SNX29: variants seen among roughly 807,000 people sequenced by gnomAD.
The protein encoded by SNX29 is sorting nexin-29.
SNX29 carries 78 observed loss-of-function variants against 102.1 expected under a neutral mutation model. The ratio of observed to expected loss-of-function variants is 0.76; its 90% CI spans 0.64 to 0.92. The LOEUF (loss-of-function observed/expected upper bound fraction) is 0.92, where lower values mean the gene tolerates loss of function less well. Among genes scored for constraint, SNX29 ranks in the 40% least tolerant of loss-of-function variants. The probability of loss-of-function intolerance (pLI) is 0.00; values close to 1 mark genes in which losing one functional copy is unlikely to be tolerated. For missense variants in SNX29, 1,280 were observed against 1,061.7 expected (o/e 1.21, Z -2.86); for synonymous variants, 580 against 414.5 (o/e 1.40, Z -4.85).
intron 14 of SNX29, among the ~76,000 whole-genome samples, chr16:12,265,270 G>C (rs75682122): frequency 2.9e-4 from 44 of 152,270 alleles, no homozygotes; most frequent in African/African-American, 5.3e-4. Context: ...TTTCACTTGG[G>C]GGGGAGAAAC....
At chr16:12,198,482 AACCC>A (rs2076833941) in intron 13 of SNX29, among the ~76,000 whole-genome samples, 1 of 152,144 alleles carries the variant, frequency 6.6e-6, no homozygotes, top group South Asian at 2.1e-4. Flanking sequence ...TCACAGAAAA[AACCC>A]AGTCTTCAGC....
At chr16:12,023,076 T>C (rs1235194699) in intron 3 of SNX29, among the ~76,000 whole-genome samples, 2 of 151,922 alleles carry the variant, frequency 1.3e-5, no homozygotes, top group Admixed American at 1.3e-4. Flanking sequence ...TTTCTGTTTT[T>C]AGTAGAGTTG....
At position 12,301,159 on chromosome 16, in the gene SNX29, C is replaced by T. The variant is rs116071968; in HGVS notation, c.1782+23123C>T. Reference sequence around the variant, plus strand: ...CTAGTCACTCAATGAGTTACAGTCCCTTCTAAAATATCTCATAAAGCCAAC... The same window carrying T: ...CTAGTCACTCAATGAGTTACAGTCCTTTCTAAAATATCTCATAAAGCCAAC... On this transcript the variant is annotated intron_variant, in intron 15 of 20. Transcript: ENST00000566228. 6.2e-3 allele frequency among the ~76,000 whole-genome samples: 937 copies of T among 152,326 alleles called. 12 individuals are homozygous for T. The highest frequency in any genetic ancestry group is 0.021 in the African/African-American group (890 of 41,564).
chr16:12,204,368 A>C (rs2076993223), intron 14 of SNX29, among the ~76,000 whole-genome samples: 1 of 152,172 alleles, frequency 6.6e-6, no homozygotes, highest in African/African-American at 2.4e-5. Context: ...TCGTCCTTGT[A>C]AAGGGCGATT....
At chr16:12,520,315 A>T (rs367763085) in intron 19 of SNX29, among the ~76,000 whole-genome samples, 1 of 152,268 alleles carries the variant, frequency 6.6e-6, no homozygotes, top group East Asian at 1.9e-4. Context: ...AAAGAACTGA[A>T]CCCCGCTTTG....
In SNX29 at chr16:12,166,510, C is replaced by T. The variant is rs139541251; in HGVS notation, c.1596-33091C>T. On this transcript the variant is annotated intron_variant, in intron 13 of 20. Transcript: ENST00000566228. ...CAGGAAGGCGGGGGGCATAGGCAGCCGAGTCTTGTAGTGTGCAGGGGAGCG... is the reference window on the plus strand; with the variant it reads ...CAGGAAGGCGGGGGGCATAGGCAGCTGAGTCTTGTAGTGTGCAGGGGAGCG... Among the ~76,000 whole-genome samples, 359 of 152,254 alleles carry T rather than the reference C, an allele frequency of 2.4e-3. 1 individual carries two copies. Among genetic ancestry groups the T allele is most frequent in the Non-Finnish European group, 3.8e-3 (260 of 68,018 alleles).
intron 14 of SNX29, among the ~76,000 whole-genome samples, chr16:12,204,281 T>C (rs2141996377): frequency 6.6e-6 from 1 of 152,336 alleles, no homozygotes; most frequent in African/African-American, 2.4e-5. Context: ...CCTGCTCCTG[T>C]TATCAAGCTT....
chr16:12,219,914 C>T (rs2077429751), intron 14 of SNX29, among the ~76,000 whole-genome samples: 1 of 152,200 alleles, frequency 6.6e-6, no homozygotes, highest in Non-Finnish European at 1.5e-5. Flanking sequence ...TCCACAGCCC[C>T]CCAGCGCACA....
intron 15 of SNX29, among the ~76,000 whole-genome samples, chr16:12,280,047 G>C: frequency 6.6e-6 from 1 of 152,178 alleles, no homozygotes; most frequent in Admixed American, 6.5e-5. Context: ...GGGGTGGGGT[G>C]GGGGTGTTTG....
intron 3 of SNX29, among the ~76,000 whole-genome samples, chr16:12,003,599 C>G (rs374107476): frequency 1.3e-5 from 2 of 152,206 alleles, no homozygotes; most frequent in African/African-American, 2.4e-5. Context: ...CTGGCCAGAA[C>G]ACACCGAAAC....
chr16:12,350,024 C>T (rs1278318203), intron 15 of SNX29, among the ~76,000 whole-genome samples: 1 of 152,234 alleles, frequency 6.6e-6, no homozygotes, highest in African/African-American at 2.4e-5. Flanking sequence ...CTTCCAGTTT[C>T]TTTCCTCCTC....
At chr16:12,014,628 A>G (rs2056786348) in intron 3 of SNX29, among the ~76,000 whole-genome samples, 1 of 150,084 alleles carries the variant, frequency 6.7e-6, no homozygotes, top group South Asian at 2.1e-4. Context: ...GCTTCTCAGG[A>G]GGCTGAGGCA....
chr16:12,002,963 G>C, intron 2 of SNX29, 28 bp from the exon 3 acceptor site: 1 of 1,614,142 alleles, frequency 6.2e-7, no homozygotes, highest in Non-Finnish European at 8.5e-7. Context: ...CCCAACAGCT[G>C]ATCTCAGCAG....
intron 8 of SNX29, among the ~76,000 whole-genome samples, chr16:12,060,431 A>AAAAAC (rs2050722203): frequency 6.6e-6 from 1 of 152,278 alleles, no homozygotes; most frequent in East Asian, 1.9e-4. Flanking sequence ...GTTTTCACAA[A>AAAAAC]AAAACAAAAC....
chr16:12,385,178 A>G lies in SNX29; in HGVS notation c.1900-13268A>G, dbSNP rs1389740189. On this transcript the variant is annotated intron_variant, in intron 16 of 20. Transcript: ENST00000566228. ...AGAGCGAAACTCCATCTCAAAAAAGAAAAAAGAAAAGTTCTGTGGGGACAC... is the reference window on the plus strand; with the variant it reads ...AGAGCGAAACTCCATCTCAAAAAAGGAAAAAGAAAAGTTCTGTGGGGACAC... Among the ~76,000 whole-genome samples, 3 of 152,204 alleles carry G rather than the reference A, an allele frequency of 2.0e-5. No individual in the cohort carries two copies. In the East Asian group the frequency reaches 5.8e-4, roughly 29 times the overall value.
intron 8 of SNX29, among the ~76,000 whole-genome samples, chr16:12,059,335 A>AG (rs1567168979): frequency 6.6e-6 from 1 of 152,192 alleles, no homozygotes; most frequent in African/African-American, 2.4e-5. Flanking sequence ...ACCAGTGGCC[A>AG]GGTCAGAGCC....
intron 18 of SNX29, among the ~76,000 whole-genome samples, chr16:12,445,212 T>C (rs949957115): frequency 2.0e-5 from 3 of 152,196 alleles, no homozygotes; most frequent in Non-Finnish European, 4.4e-5. Flanking sequence ...CATTCATTAA[T>C]TTAATGTCTG....
chr16:12,530,253 A>T (rs1476265366), intron 20 of SNX29, among the ~76,000 whole-genome samples: 1 of 152,238 alleles, frequency 6.6e-6, no homozygotes, highest in Non-Finnish European at 1.5e-5. Flanking sequence ...AGGAGCTTTT[A>T]GAACAGCGCA....
intron 1 of SNX29, among the ~76,000 whole-genome samples, chr16:11,989,515 G>A (rs1182056291): frequency 2.0e-5 from 3 of 152,132 alleles, no homozygotes; most frequent in East Asian, 1.9e-4. Context: ...TTATCTGTGC[G>A]TATGCTAAGT....
Sources: allele counts gnomAD v4.1 joint callset (sites outside exome capture counted in the v4.1 genomes callset), GRCh38; gene constraint gnomAD v4.1.1; transcripts MANE v1.5; gene names NCBI Gene and HGNC (gene_info 2026-07-23, HGNC 2026-07-21).